DLG2: variants seen among roughly 807,000 people sequenced by gnomAD.
DLG2 encodes discs large MAGUK scaffold protein 2, also known as disks large homolog 2.
A neutral mutation model predicts 132.5 loss-of-function variants in DLG2; 45 were observed. The ratio of observed to expected loss-of-function variants is 0.34; its 90% CI spans 0.27 to 0.44. The LOEUF (loss-of-function observed/expected upper bound fraction) is 0.44, where lower values mean the gene tolerates loss of function less well. Ranked by LOEUF, DLG2 falls within the 20% of genes least tolerant of loss-of-function variation. The pLI is 1.00. For synonymous variants in DLG2, 424 were observed against 419.6 expected (o/e 1.01, Z -0.13); for missense variants, 1,045 against 1,196.9 (o/e 0.87, Z 1.87).
chr11:84,128,905 C>T (rs766156432), intron 9 of DLG2, among the ~76,000 whole-genome samples: 2 of 152,124 alleles, frequency 1.3e-5, no homozygotes, highest in Non-Finnish European at 2.9e-5. Context: ...AAATAGATCA[C>T]CTTTTTTGGC....
intron 7 of DLG2, among the ~76,000 whole-genome samples, chr11:84,265,819 TAAATAA>T (rs1288766817): frequency 1.3e-5 from 2 of 152,120 alleles, no homozygotes; most frequent in Non-Finnish European, 2.9e-5. Flanking sequence ...ATCTTCTCGC[TAAATAA>T]AAATATCTAA....
intron 9 of DLG2, among the ~76,000 whole-genome samples, chr11:84,144,992 T>C (rs997636590): frequency 5.3e-5 from 8 of 152,216 alleles, no homozygotes; most frequent in Non-Finnish European, 1.2e-4. Flanking sequence ...CCCTGGATCT[T>C]TGTTATTTCC....
intron 5 of DLG2, among the ~76,000 whole-genome samples, chr11:85,127,677 A>T (rs776550203): frequency 2.6e-5 from 4 of 152,240 alleles, no homozygotes; most frequent in Non-Finnish European, 4.4e-5. Flanking sequence ...ACTGTACACC[A>T]GCATGAATAA....
At chr11:85,247,725 T>C (rs574330811) in intron 4 of DLG2, among the ~76,000 whole-genome samples, 1 of 152,042 alleles carries the variant, frequency 6.6e-6, no homozygotes, top group Non-Finnish European at 1.5e-5. Context: ...AAAAGTCTGA[T>C]TTTCTGACTT....
intron 18 of DLG2, among the ~76,000 whole-genome samples, chr11:83,711,364 G>A (rs1268763122): frequency 2.0e-5 from 3 of 152,162 alleles, no homozygotes; most frequent in African/African-American, 7.2e-5. Context: ...TCACTTGGAC[G>A]CCTCTGTGGT....
intron 6 of DLG2, among the ~76,000 whole-genome samples, chr11:85,022,050 A>T (rs774555759): frequency 4.6e-5 from 7 of 152,164 alleles, no homozygotes; most frequent in Non-Finnish European, 8.8e-5. Flanking sequence ...AAAAAATTGC[A>T]TAAAAAGGAA....
chr11:83,479,779 T>C (rs1206577913), intron 22 of DLG2, among the ~76,000 whole-genome samples: 1 of 151,942 alleles, frequency 6.6e-6, no homozygotes, highest in African/African-American at 2.4e-5. Flanking sequence ...TTAAAAAAAT[T>C]AAGTTCCTTC....
chr11:83,574,282 T>C (rs2096842022), intron 19 of DLG2, among the ~76,000 whole-genome samples: 1 of 152,154 alleles, frequency 6.6e-6, no homozygotes, highest in Admixed American at 6.6e-5. Flanking sequence ...AAAGATGATG[T>C]AGACATACTT....
intron 11 of DLG2, among the ~76,000 whole-genome samples, chr11:83,992,853 G>T (rs1565947100): frequency 6.6e-6 from 1 of 152,060 alleles, no homozygotes; most frequent in East Asian, 1.9e-4. Flanking sequence ...TAACAAGAAA[G>T]GATGATCATC....
intron 21 of DLG2, among the ~76,000 whole-genome samples, chr11:83,486,682 A>C (rs1381642176): frequency 3.3e-5 from 5 of 152,138 alleles, no homozygotes; most frequent in Admixed American, 6.6e-5. Flanking sequence ...ATACACACTA[A>C]TACTTTAAGA....
chr11:84,824,423 T>C (rs1356506139), intron 6 of DLG2, among the ~76,000 whole-genome samples: 5 of 151,910 alleles, frequency 3.3e-5, no homozygotes, highest in Admixed American at 3.3e-4. Context: ...CAGTAAATAC[T>C]ATGGGGTTTA....
At chr11:83,909,239 G>A (rs932630550) in intron 15 of DLG2, among the ~76,000 whole-genome samples, 1 of 152,158 alleles carries the variant, frequency 6.6e-6, no homozygotes, top group Non-Finnish European at 1.5e-5. Context: ...ACCTTGGGCA[G>A]GCCATTTTCC....
intron 8 of DLG2, among the ~76,000 whole-genome samples, chr11:84,225,268 T>TC (rs780803651): frequency 9.2e-5 from 14 of 152,258 alleles, no homozygotes; most frequent in Non-Finnish European, 1.9e-4. Flanking sequence ...TAATATGTTT[T>TC]CTATGCATTC....
intron 6 of DLG2, among the ~76,000 whole-genome samples, chr11:84,998,725 G>A (rs369031696): frequency 7.2e-5 from 11 of 151,778 alleles, no homozygotes; most frequent in Admixed American, 2.0e-4. Context: ...TTTTCATGTT[G>A]CCTCCCAAGA....
chr11:84,195,347 T>A (rs1286168953), intron 8 of DLG2, among the ~76,000 whole-genome samples: 5 of 152,078 alleles, frequency 3.3e-5, no homozygotes, highest in Non-Finnish European at 7.4e-5. Flanking sequence ...TTTATTCTAG[T>A]AGAGACGGGG....
chr11:83,565,401 C>T (rs2096688817), intron 19 of DLG2, among the ~76,000 whole-genome samples: 1 of 152,182 alleles, frequency 6.6e-6, no homozygotes, highest in Non-Finnish European at 1.5e-5. Context: ...GAGAAAAAGG[C>T]AGCCAGGATA....
chr11:84,518,755 T>G (rs1411654152), intron 7 of DLG2, among the ~76,000 whole-genome samples: 1 of 152,088 alleles, frequency 6.6e-6, no homozygotes, highest in Non-Finnish European at 1.5e-5. Context: ...TTAAACTTGG[T>G]CAGAAGGCAG....
At chr11:85,410,663 C>A (rs1176548334) in intron 3 of DLG2, among the ~76,000 whole-genome samples, 1 of 151,760 alleles carries the variant, frequency 6.6e-6, no homozygotes, top group African/African-American at 2.4e-5. Flanking sequence ...CATAAAAATT[C>A]ACTTTGCTAA....
intron 6 of DLG2, among the ~76,000 whole-genome samples, chr11:85,064,761 TG>T (rs1451326402): frequency 2.8e-4 from 43 of 151,734 alleles, no homozygotes; most frequent in African/African-American, 9.4e-4. Flanking sequence ...ATAATATGGA[TG>T]GGTCTTATCC....
Sources: gnomAD v4.1 joint callset for allele counts (sites outside exome capture counted in the v4.1 genomes callset) on GRCh38, gnomAD v4.1.1 for gene constraint, MANE v1.5 for transcripts, NCBI Gene and HGNC (gene_info 2026-07-23, HGNC 2026-07-21) for gene names.